The following ADAMTSL3 variants were observed in gnomAD, a reference collection of about 807,000 sequenced individuals.
The protein encoded by ADAMTSL3 is ADAMTS-like protein 3.
ADAMTSL3 carries 128 observed loss-of-function variants against 201.7 expected under a neutral mutation model. The observed-to-expected ratio is 0.63, with a 90% CI of 0.55 to 0.73. ADAMTSL3 has a LOEUF of 0.73. Ranked by LOEUF, ADAMTSL3 falls within the 30% of genes least tolerant of loss-of-function variation. The pLI, the probability that ADAMTSL3 is intolerant of heterozygous loss-of-function variation, is 0.00. For synonymous variants in ADAMTSL3, 738 were observed against 748.4 expected, an observed-to-expected ratio of 0.99 and a Z score of 0.23; for missense variants, 1,990 against 2,119.6, an observed-to-expected ratio of 0.94 and a Z score of 1.20.
chr15:83,912,163 C>T (rs562138967), intron 15 of ADAMTSL3, among the ~76,000 whole-genome samples: 1 of 152,110 alleles, frequency 6.6e-6, no homozygotes, highest in Non-Finnish European at 1.5e-5. Flanking sequence ...AAATTCTGTG[C>T]AGGGGTCCAG....
intron 3 of ADAMTSL3, among the ~76,000 whole-genome samples, chr15:83,750,788 G>C (rs1228638856): frequency 7.2e-5 from 11 of 152,142 alleles, no homozygotes; most frequent in Admixed American, 7.2e-4. Context: ...TTGACCTCGT[G>C]ATCTGCCTGC....
chr15:83,669,203 T>C (rs1188480387), intron 2 of ADAMTSL3, among the ~76,000 whole-genome samples: 1 of 152,162 alleles, frequency 6.6e-6, no homozygotes, highest in Non-Finnish European at 1.5e-5. Context: ...TGGAGTGCAG[T>C]GGCGCAGTCT....
intron 9 of ADAMTSL3, among the ~76,000 whole-genome samples, chr15:83,878,855 C>A (rs1206042477): frequency 6.6e-6 from 1 of 151,898 alleles, no homozygotes; most frequent in Non-Finnish European, 1.5e-5. Context: ...TCCTCTTATT[C>A]TCTGCAATAG....
intron 20 of ADAMTSL3, among the ~76,000 whole-genome samples, chr15:83,972,936 C>T (rs917906724): frequency 1.3e-5 from 2 of 152,190 alleles, no homozygotes; most frequent in African/African-American, 4.8e-5. Context: ...CCTCTCTACA[C>T]CGTTTCCCTG....
At chr15:83,907,151 A>G (rs2065853770) in intron 15 of ADAMTSL3, among the ~76,000 whole-genome samples, 3 of 150,534 alleles carry the variant, frequency 2.0e-5, no homozygotes, top group African/African-American at 7.3e-5. Context: ...AGTTTAATCC[A>G]TTTAAATAGA....
chr15:83,886,185 A>G (rs998178339), intron 10 of ADAMTSL3, among the ~76,000 whole-genome samples: 7 of 152,238 alleles, frequency 4.6e-5, no homozygotes, highest in African/African-American at 1.7e-4. Context: ...TTAGGAGGCA[A>G]CTAGAGCTAC....
At chr15:83,897,345 T>C (rs918220291) in intron 13 of ADAMTSL3, among the ~76,000 whole-genome samples, 19 of 152,326 alleles carry the variant, frequency 1.2e-4, no homozygotes, top group African/African-American at 4.3e-4. Context: ...TTTTTTTCTA[T>C]AGCGTTTGGC....
chr15:84,010,974 G>A (rs1476476830), intron 23 of ADAMTSL3, among the ~76,000 whole-genome samples: 1 of 152,046 alleles, frequency 6.6e-6, no homozygotes, highest in Non-Finnish European at 1.5e-5. Context: ...TTTATTGCAC[G>A]CTCTTATCTC....
chr15:83,818,610 A>G (rs1024754726), intron 5 of ADAMTSL3, among the ~76,000 whole-genome samples: 4 of 152,224 alleles, frequency 2.6e-5, no homozygotes, highest in African/African-American at 9.6e-5. Context: ...TACAGACGTG[A>G]GCCACCACGC....
intron 3 of ADAMTSL3, among the ~76,000 whole-genome samples, chr15:83,714,761 C>CTCTTTCTTTCTTTCTTTCTTTCTTTCTT (rs767607321): frequency 1.2e-4 from 5 of 41,492 alleles, no homozygotes; most frequent in South Asian, 9.7e-4. Context: ...CTTCCCTTTT[C>CTCTTTCTTTCTTTCTTTCTTTCTTTCTT]TCTTTCTTTC....
chr15:83,814,480 G>T (rs1043294415), intron 5 of ADAMTSL3, among the ~76,000 whole-genome samples: 1 of 152,130 alleles, frequency 6.6e-6, no homozygotes, highest in Non-Finnish European at 1.5e-5. Flanking sequence ...TATGGATAAC[G>T]AATTTATTTC....
intron 17 of ADAMTSL3, among the ~76,000 whole-genome samples, chr15:83,931,790 G>C (rs1479232318): frequency 1.3e-5 from 2 of 152,180 alleles, no homozygotes; most frequent in African/African-American, 4.8e-5. Flanking sequence ...GTTATTTGGA[G>C]CTTGAGGTCC....
At chr15:83,886,734 C>T (rs1210435947) in intron 10 of ADAMTSL3, among the ~76,000 whole-genome samples, 1 of 152,170 alleles carries the variant, frequency 6.6e-6, no homozygotes, top group African/African-American at 2.4e-5. Flanking sequence ...TGGCCTTTCT[C>T]CTTTAAACTA....
chr15:83,824,986 A>G (rs991106191), intron 6 of ADAMTSL3: 1 of 152,228 alleles, frequency 6.6e-6, no homozygotes, highest in African/African-American at 2.4e-5. Flanking sequence ...ATGTGCTGCC[A>G]AAGTGAGCAC....
At chr15:83,954,226 T>G (rs529167508) in intron 19 of ADAMTSL3, among the ~76,000 whole-genome samples, 1 of 152,216 alleles carries the variant, frequency 6.6e-6, no homozygotes, top group Non-Finnish European at 1.5e-5. Context: ...TTTTTTATTC[T>G]TTTTTCTTTT....
At position 83,693,382 on chromosome 15, in the gene ADAMTSL3, C is replaced by T. The variant is rs533602411; in HGVS notation, c.70-11007C>T. On this transcript the variant is annotated intron_variant, in intron 2 of 29. Coordinates refer to ENST00000286744, the MANE Select transcript of ADAMTSL3 (RefSeq NM_207517.3). ...GAGGTGCTTGGGGAGCAGCCATGCT[C>T]GGGCCTGGCCAGGCTGGAGCTGGAG... Among the ~76,000 whole-genome samples, 21 of 152,252 alleles carry T rather than the reference C, an allele frequency of 1.4e-4. 1 individual carries two copies. In the South Asian group the frequency reaches 3.3e-3, roughly 24 times the overall value.
chr15:83,853,986 C>G lies in ADAMTSL3; in HGVS notation c.728-4780C>G, dbSNP rs1033907580. Reference sequence around the variant, plus strand: ...TCCTCCATCCAACTAGCTAGCTGACCCTTGTTAATTTACAGACATCACAAC... The same window carrying G: ...TCCTCCATCCAACTAGCTAGCTGACGCTTGTTAATTTACAGACATCACAAC... On this transcript the variant is annotated intron_variant, in intron 7 of 29. Coordinates refer to ENST00000286744, the MANE Select transcript of ADAMTSL3 (RefSeq NM_207517.3). Among the ~76,000 whole-genome samples, 4 of 151,918 alleles carry G rather than the reference C, an allele frequency of 2.6e-5. No individual in the cohort carries two copies. The East Asian group carries it at 7.7e-4, about 29-fold the overall frequency.
chr15:83,765,236 A>G (rs947164418), intron 3 of ADAMTSL3, among the ~76,000 whole-genome samples: 14 of 152,182 alleles, frequency 9.2e-5, no homozygotes, highest in African/African-American at 3.1e-4. Context: ...CACCCAATTC[A>G]TATTTTAAAA....
intron 28 of ADAMTSL3, among the ~76,000 whole-genome samples, chr15:84,035,020 T>C (rs1197683658): frequency 6.6e-6 from 1 of 152,202 alleles, no homozygotes; most frequent in African/African-American, 2.4e-5. Context: ...AGTTACGCCC[T>C]CTACTGGACA....
Sources: gnomAD v4.1 joint callset for allele counts (sites outside exome capture counted in the v4.1 genomes callset) on GRCh38, gnomAD v4.1.1 for gene constraint, MANE v1.5 for transcripts, NCBI Gene and HGNC (gene_info 2026-07-23, HGNC 2026-07-21) for gene names.